The following USP48 variants were observed in gnomAD, a reference collection of about 807,000 sequenced individuals.
USP48 encodes the protein ubiquitin specific peptidase 48.
USP48 carries 43 observed loss-of-function variants against 150.7 expected under a neutral mutation model. The observed-to-expected ratio is 0.29, with a 90% CI of 0.22 to 0.37. The LOEUF (loss-of-function observed/expected upper bound fraction) is 0.37, where lower values mean the gene tolerates loss of function less well. Among genes scored for constraint, USP48 ranks in the 10% least tolerant of loss-of-function variants. The pLI is 1.00. For synonymous variants in USP48, 396 were observed against 425.9 expected (o/e 0.93, Z 0.86); for missense variants, 813 against 1,249.6 (o/e 0.65, Z 5.27).
chr1:21,704,124 G>C, intron 20 of USP48, 138 bp downstream of exon 20: 1 of 902,610 alleles, frequency 1.1e-6, no homozygotes, highest in Non-Finnish European at 1.7e-6. Context: ...ATAATGGGAT[G>C]ATTATAATGA....
chr1:21,761,108 G>GAA (rs111237462), intron 1 of USP48, among the ~76,000 whole-genome samples: 1 of 139,358 alleles, frequency 7.2e-6, no homozygotes, highest in African/African-American at 2.6e-5. Context: ...AGAAAAAAAA[G>GAA]AAAAAAAAAA....
intron 3 of USP48, among the ~76,000 whole-genome samples, chr1:21,755,890 G>A (rs1396011013): frequency 1.3e-5 from 2 of 152,066 alleles, no homozygotes; most frequent in Non-Finnish European, 2.9e-5. Context: ...TTTAGGCCAG[G>A]CACAGTGGCT....
chr1:21,743,453 C>G (rs333178), intron 8 of USP48, among the ~76,000 whole-genome samples: 1 of 152,134 alleles, frequency 6.6e-6, no homozygotes, highest in African/African-American at 2.4e-5. Flanking sequence ...AGTGGGGTTC[C>G]TCTCCCACTA....
At chr1:21,775,150 G>A (rs971038934) in intron 1 of USP48, among the ~76,000 whole-genome samples, 6 of 151,938 alleles carry the variant, frequency 3.9e-5, no homozygotes, top group Non-Finnish European at 5.9e-5. Flanking sequence ...GCTGGAGTGC[G>A]GTGGCATGGT....
intron 1 of USP48, among the ~76,000 whole-genome samples, chr1:21,761,867 A>AT (rs2097850789): frequency 6.6e-6 from 1 of 152,254 alleles, no homozygotes; most frequent in East Asian, 1.9e-4. Context: ...AAGCTTATTA[A>AT]TGAAATAAAG....
intron 22 of USP48, 133 bp downstream of exon 22, chr1:21,701,365 C>CAAA (rs35780642): frequency 9.9e-4 from 404 of 409,410 alleles, no homozygotes; most frequent in Middle Eastern, 2.4e-3. Flanking sequence ...GACTCCATCT[C>CAAA]AAAAAAAAAA....
In USP48 at chr1:21,771,863, A is replaced by G. The variant is rs574912542; in HGVS notation, c.134+10961T>C. ...AACCCAGGAGGTGGAAGTTGTGGTG[A>G]GCCGAGATTGCGCCATTGCACTCCA... On this transcript the variant is annotated intron_variant, in intron 1 of 26. Coordinates refer to ENST00000308271, the MANE Select transcript of USP48 (RefSeq NM_032236.8). 1.5e-4 allele frequency among the ~76,000 whole-genome samples: 23 copies of G among 152,018 alleles called. No homozygotes were observed. In the East Asian group the frequency reaches 1.5e-3, roughly 10 times the overall value.
intron 26 of USP48, among the ~76,000 whole-genome samples, chr1:21,680,499 T>G (rs1304341961): frequency 2.0e-5 from 3 of 152,184 alleles, no homozygotes; most frequent in Admixed American, 6.5e-5. Flanking sequence ...GGGAAAAGGT[T>G]AAAAATAAAT....
intron 1 of USP48, among the ~76,000 whole-genome samples, chr1:21,767,882 G>T (rs1249433096): frequency 1.3e-5 from 2 of 152,022 alleles, no homozygotes; most frequent in Non-Finnish European, 2.9e-5. Context: ...CTGTATCAAG[G>T]TCTCATAAAT....
intron 15 of USP48, 74 bp downstream of exon 15, chr1:21,715,315 T>G: frequency 8.2e-7 from 1 of 1,215,356 alleles, no homozygotes; most frequent in Non-Finnish European, 1.2e-6. Context: ...GATACTGGCA[T>G]GAAAGCCAGG....
chr1:21,683,756 A>G (rs946757756), intron 25 of USP48, among the ~76,000 whole-genome samples: 1 of 152,108 alleles, frequency 6.6e-6, no homozygotes, highest in Non-Finnish European at 1.5e-5. Context: ...TTTCTATCAA[A>G]TTGTATGTTT....
At chr1:21,708,500 A>G (rs866567890) in intron 15 of USP48, among the ~76,000 whole-genome samples, 2 of 151,988 alleles carry the variant, frequency 1.3e-5, no homozygotes, top group African/African-American at 4.8e-5. Context: ...CTGTCTCAAA[A>G]AACAAAAACA....
intron 15 of USP48, chr1:21,715,132 T>G (rs2097700813): frequency 2.5e-6 from 1 of 395,600 alleles, no homozygotes; most frequent in Non-Finnish European, 4.6e-6. Flanking sequence ...ACGAGCACTA[T>G]TCTCAAAGTG....
chr1:21,700,627 C>A (rs2097652756), intron 22 of USP48, among the ~76,000 whole-genome samples: 1 of 152,150 alleles, frequency 6.6e-6, no homozygotes, highest in South Asian at 2.1e-4. Context: ...AGAAAGAAAA[C>A]AAACATCTCA....
At chr1:21,768,597 G>A (rs958006161) in intron 1 of USP48, 2 of 152,094 alleles carry the variant, frequency 1.3e-5, no homozygotes, top group Non-Finnish European at 2.9e-5. Context: ...AGCCATGACT[G>A]TTTTATCATG....
At chr1:21,696,635 A>T (rs1202652036) in intron 22 of USP48, among the ~76,000 whole-genome samples, 2 of 152,148 alleles carry the variant, frequency 1.3e-5, no homozygotes, top group Non-Finnish European at 2.9e-5. Context: ...TTATGAGCAC[A>T]TTATTAGTAT....
intron 1 of USP48, among the ~76,000 whole-genome samples, chr1:21,773,246 C>T (rs774376082): frequency 5.2e-5 from 7 of 135,452 alleles, no homozygotes; most frequent in Non-Finnish European, 3.1e-5. Context: ...CAGACTGAGA[C>T]TCGGTCTCAA....
chr1:21,744,647 G>C (rs1327000604), intron 8 of USP48, among the ~76,000 whole-genome samples: 1 of 149,920 alleles, frequency 6.7e-6, no homozygotes, highest in Non-Finnish European at 1.5e-5. Context: ...CATGGTGGCA[G>C]GCGCCTGTAA....
chr1:21,749,438 C>T (rs992896280), intron 6 of USP48, among the ~76,000 whole-genome samples: 1 of 152,134 alleles, frequency 6.6e-6, no homozygotes, highest in Non-Finnish European at 1.5e-5. Context: ...ATGCTCAAAG[C>T]CAAACTCCTA....
Sources: gnomAD v4.1 joint callset for allele counts (sites outside exome capture counted in the v4.1 genomes callset) on GRCh38, gnomAD v4.1.1 for gene constraint, MANE v1.5 for transcripts, NCBI Gene and HGNC (gene_info 2026-07-23, HGNC 2026-07-21) for gene names.